INTS6: variants seen among roughly 807,000 people sequenced by gnomAD.
INTS6 encodes the protein DEAD box protein.
In INTS6, 16 loss-of-function variants were observed where a neutral mutation model predicts 104.9. The observed-to-expected ratio is 0.15, with a 90% CI of 0.10 to 0.23. The LOEUF (loss-of-function observed/expected upper bound fraction) is 0.23. Among genes scored for constraint, INTS6 ranks in the 10% least tolerant of loss-of-function variants. INTS6 has a pLI of 1.00. For missense variants in INTS6, 584 were observed against 1,062.8 expected, an observed-to-expected ratio of 0.55 and a Z score of 6.26; for synonymous variants, 324 against 358.7, an observed-to-expected ratio of 0.90 and a Z score of 1.09.
At chr13:51,358,112 A>T (rs1955509005), downstream of INTS6, among the ~76,000 whole-genome samples, 1 of 152,032 alleles carries the variant, frequency 6.6e-6, no homozygotes, top group Admixed American at 6.6e-5. Context: ...GCCATTTCAG[A>T]TTCTTCTTAG....
chr13:51,429,763 CAAAAA>C (rs35873020), intron 4 of INTS6, among the ~76,000 whole-genome samples: 3 of 27,088 alleles, frequency 1.1e-4, no homozygotes, highest in African/African-American at 3.2e-4. Context: ...GACTCTGTCT[CAAAAA>C]AAAAAAAAAA....
chr13:51,393,074 A>ATT (rs368682215), intron 5 of INTS6, among the ~76,000 whole-genome samples: 71 of 139,438 alleles, frequency 5.1e-4, no homozygotes, highest in Non-Finnish European at 6.1e-4. Flanking sequence ...AAACAACTAA[A>ATT]TTTTTTTTTT....
At chr13:51,383,853 A>C in intron 7 of INTS6, 112 bp from the exon 8 acceptor site, 1 of 811,372 alleles carries the variant, frequency 1.2e-6, no homozygotes, top group Non-Finnish European at 1.9e-6. Flanking sequence ...TAAGAGTTTG[A>C]TTTACTGCTA....
intron 3 of INTS6, chr13:51,437,023 TG>T (rs1276797062): frequency 6.6e-6 from 1 of 152,016 alleles, no homozygotes; most frequent in Non-Finnish European, 1.5e-5. Context: ...GAGACCGAGG[TG>T]GGAGGACTGC....
the INTS6 span, chr13:51,339,470 C>G: frequency 6.6e-6 from 1 of 152,306 alleles, no homozygotes; most frequent in Non-Finnish European, 1.5e-5. Context: ...GGCTGGCTCT[C>G]CCCCCACGGC....
At chr13:51,430,757 C>T (rs1286639111) in intron 3 of INTS6, among the ~76,000 whole-genome samples, 1 of 152,092 alleles carries the variant, frequency 6.6e-6, no homozygotes, top group Non-Finnish European at 1.5e-5. Context: ...AAAAAAAGAA[C>T]ATTTCCTGAG....
At chr13:51,381,873 T>G (rs1272043101) in intron 10 of INTS6, among the ~76,000 whole-genome samples, 156 bp downstream of exon 10, 1 of 152,004 alleles carries the variant, frequency 6.6e-6, no homozygotes, top group Non-Finnish European at 1.5e-5. Flanking sequence ...CAGCTAATTT[T>G]TGTATTTTTA....
chr13:51,346,706 T>C, the INTS6 span, among the ~76,000 whole-genome samples: 1 of 152,152 alleles, frequency 6.6e-6, no homozygotes, highest in Non-Finnish European at 1.5e-5. Context: ...ACAGAGCCTC[T>C]GACTCTGGCC....
intron 4 of INTS6, chr13:51,402,791 C>CT (rs1956462481): frequency 6.6e-6 from 1 of 152,160 alleles, no homozygotes; most frequent in Non-Finnish European, 1.5e-5. Context: ...ATAAAACCTA[C>CT]TTCTCCATTG....
intron 4 of INTS6, among the ~76,000 whole-genome samples, chr13:51,399,526 G>GTA (rs1391923735): frequency 6.6e-6 from 1 of 152,204 alleles, no homozygotes; most frequent in Non-Finnish European, 1.5e-5. Flanking sequence ...TTTCTGTTGA[G>GTA]TATATACCTA....
the INTS6 span, chr13:51,339,361 C>T: frequency 6.6e-6 from 1 of 152,202 alleles, no homozygotes; most frequent in Non-Finnish European, 1.5e-5. Context: ...GCCCAACAAG[C>T]AAAGTTATCA....
the INTS6 span, chr13:51,335,667 C>A: frequency 1.3e-5 from 2 of 152,274 alleles, no homozygotes; most frequent in Admixed American, 1.3e-4. Flanking sequence ...GCTGTTTGCG[C>A]TGGCGAGGAG....
intron 5 of INTS6, 42 bp from the exon 6 acceptor site, chr13:51,389,486 G>C: frequency 6.7e-6 from 10 of 1,487,014 alleles, no homozygotes; most frequent in Non-Finnish European, 8.1e-6. Flanking sequence ...GAAGAATATA[G>C]TAAACTAGTT....
At position 51,374,519 on chromosome 13, in the gene INTS6, G is replaced by A. The variant is rs1178902242; in HGVS notation, c.1873-80C>T. Reference sequence around the variant, plus strand: ...ACAACCAGTGTCAATTCCAATGAAGGTAACTATATTCTGTTCATATTTATT... The same window carrying A: ...ACAACCAGTGTCAATTCCAATGAAGATAACTATATTCTGTTCATATTTATT... On this transcript the variant is annotated intron_variant, in intron 14 of 17. Coordinates refer to ENST00000311234, the MANE Select transcript of INTS6 (RefSeq NM_012141.3). 2.0e-6 allele frequency: 3 copies of A among 1,514,760 alleles called. No homozygotes were observed. The Admixed American group carries it at 5.1e-5, about 26-fold the overall frequency. 93.8% of individuals were successfully genotyped at this position (1,514,760 alleles called of 1,614,324 possible).
intron 4 of INTS6, among the ~76,000 whole-genome samples, chr13:51,399,506 T>C (rs769825987): frequency 1.3e-5 from 2 of 152,236 alleles, no homozygotes; most frequent in Non-Finnish European, 2.9e-5. Context: ...GTGGAAAATA[T>C]ATGTATGCAT....
At chr13:51,433,774 A>G (rs1309272819) in intron 3 of INTS6, among the ~76,000 whole-genome samples, 1 of 152,226 alleles carries the variant, frequency 6.6e-6, no homozygotes, top group Non-Finnish European at 1.5e-5. Flanking sequence ...TTTAGTTGAA[A>G]CTTGACTAGT....
In INTS6 at chr13:51,374,282, A is replaced by G. The variant is rs1459518943; in HGVS notation, c.2030T>C (p.Ile677Thr). ...RQQNPVVNNH[I>T]GGKGPPAPTT... ...AGGTGCAGGTGGTCCTTTTCCCCCAATATGATTGTTTACAACAGGATTCTG... is the reference window on the plus strand; with the variant it reads ...AGGTGCAGGTGGTCCTTTTCCCCCAGTATGATTGTTTACAACAGGATTCTG... The change falls in exon 15 of 18, where the codon ATT becomes ACT. Residue 677 changes from isoleucine to threonine, a missense_variant. Around this residue, in one of 5 missense-constraint regions of INTS6, gnomAD observed 296 missense variants for 437.0 expected, o/e 0.68. Coordinates refer to ENST00000311234, the MANE Select transcript of INTS6 (RefSeq NM_012141.3). 3.1e-6 allele frequency: 5 copies of G among 1,613,978 alleles called. No individual in the cohort carries two copies. Among genetic ancestry groups the G allele is most frequent in the Non-Finnish European group, 4.2e-6 (5 of 1,179,988 alleles).
intron 3 of INTS6, chr13:51,446,122 A>G (rs4941699): frequency 0.045 from 6,911 of 152,302 alleles, 186 homozygotes; most frequent in East Asian, 0.1. Flanking sequence ...ACAACAGAGT[A>G]TAAAAGCAAA....
At chr13:51,342,124 C>T in the INTS6 span, among the ~76,000 whole-genome samples, 1,693 of 143,798 alleles carry the variant, frequency 0.012, 25 homozygotes, top group East Asian at 0.072. Flanking sequence ...GATACTCACA[C>T]ACATTAACAT....
Sources: allele counts gnomAD v4.1 joint callset (sites outside exome capture counted in the v4.1 genomes callset), GRCh38; gene constraint gnomAD v4.1.1; regional missense constraint gnomAD v4.1.1; transcripts MANE v1.5; gene names NCBI Gene and HGNC (gene_info 2026-07-23, HGNC 2026-07-21).